HTD2: variants seen among roughly 807,000 people sequenced by gnomAD.
The protein encoded by HTD2 is hydroxyacyl-thioester dehydratase type 2.
HTD2 carries 1 observed loss-of-function variant against 3.1 expected under a neutral mutation model. The ratio of observed to expected loss-of-function variants is 0.32; its 90% confidence interval spans 0.11 to 1.52. HTD2 has a LOEUF of 1.52. Among genes scored for constraint, HTD2 ranks in the 40% most tolerant of loss-of-function variants. The probability of loss-of-function intolerance (pLI) is 0.39; values close to 1 mark genes in which losing one functional copy is unlikely to be tolerated. For missense variants in HTD2, 150 were observed against 79.6 expected (o/e 1.88, Z -3.36); for synonymous variants, 50 against 28.9 (o/e 1.73, Z -2.34).
At chr3:58,315,556 C>T (rs1228925395) in intron 2 of HTD2, 4 of 152,182 alleles carry the variant, frequency 2.6e-5, no homozygotes, top group Admixed American at 1.3e-4. Flanking sequence ...ATCTGAATAA[C>T]CTCTGGTTTG....
intron 2 of HTD2, among the ~76,000 whole-genome samples, chr3:58,313,002 G>C (rs560063586): frequency 5.8e-5 from 8 of 137,558 alleles, no homozygotes; most frequent in African/African-American, 2.2e-4. Context: ...GGTAGCTCAC[G>C]CCTGTAATCC....
intron 1 of HTD2, among the ~76,000 whole-genome samples, chr3:58,309,443 C>T (rs2097479674): frequency 1.3e-5 from 2 of 152,144 alleles, no homozygotes; most frequent in South Asian, 2.1e-4. Context: ...GCTGGGTGCT[C>T]ATAAGGAAAA....
intron 1 of HTD2, 154 bp from the exon 2 acceptor site, chr3:58,310,353 T>C (rs1366764141): frequency 6.2e-7 from 1 of 1,614,208 alleles, no homozygotes; most frequent in Non-Finnish European, 8.5e-7. Context: ...CTGCCACATA[T>C]GAAAGAGTAG....
chr3:58,317,743 C>A lies in HTD2; in HGVS notation c.130C>A (p.Leu44Ile). Residue 44 changes from leucine to isoleucine, a missense_variant, in exon 5 of 5, where the codon CTT becomes ATT. Physicochemically the swap from Leu to Ile is conservative, Grantham distance 5. Transcript: ENST00000461393. Reference sequence around the variant, plus strand: ...CATCAAAGTTGGAGACCGCGCTGAACTTAGGAGGGCCTTCACACAGACTGA... The same window carrying A: ...CATCAAAGTTGGAGACCGCGCTGAAATTAGGAGGGCCTTCACACAGACTGA... ...MHIKVGDRAE[L>I]RRAFTQTDVA... 2 of 703,396 alleles carry A rather than the reference C, an allele frequency of 2.8e-6. No homozygotes were observed. The highest frequency in any genetic ancestry group is 5.2e-6 in the Non-Finnish European group (2 of 385,000). 43.6% of individuals were successfully genotyped at this position (703,396 alleles called of 1,614,324 possible).
Position 58,318,303 on chromosome 3 carries a change from A to G in HTD2, c.*183A>G, listed in dbSNP as rs1009840722. ...CAGTTTGGCCTTATGCTTCATGCAG[A>G]CTTGAGTGTATGCAGGATTTCATTA... is the stretch of plus-strand genomic sequence containing the variant. On this transcript the variant is annotated 3_prime_UTR_variant, in exon 5 of 5. Transcript: ENST00000461393. 22 of 508,584 alleles carry G rather than the reference A, an allele frequency of 4.3e-5. No homozygotes were observed. The highest frequency in any genetic ancestry group is 5.5e-5 in the Non-Finnish European group (16 of 291,654). The allele number at this position is 508,584 out of a possible 1,614,324, so 31.5% of individuals were successfully genotyped here.
At chr3:58,314,707 A>G (rs772917817) in intron 2 of HTD2, among the ~76,000 whole-genome samples, 7 of 72,452 alleles carry the variant, frequency 9.7e-5, no homozygotes, top group East Asian at 9.8e-4. Context: ...TTTTGTTGAG[A>G]TGGAGTCTCG....
Position 58,319,118 on chromosome 3 carries a change from T to C in HTD2, c.*998T>C, listed in dbSNP as rs1027300437. On this transcript the variant is annotated 3_prime_UTR_variant, in exon 5 of 5. Transcript: ENST00000461393. ...CTGTATTTTAACTGTGTAACAATTA[T>C]TGAAGGCGAAAATAGAAGTTGGGTC... is the stretch of plus-strand genomic sequence containing the variant. 1.3e-5 allele frequency: 2 copies of C among 152,246 alleles called. No homozygotes were observed. The highest frequency in any genetic ancestry group is 2.4e-5 in the African/African-American group (1 of 41,470). The allele number at this position is 152,246 out of a possible 1,614,324, so 9.4% of individuals were successfully genotyped here.
intron 1 of HTD2, among the ~76,000 whole-genome samples, chr3:58,307,211 G>T (rs953838485): frequency 6.6e-6 from 1 of 152,156 alleles, no homozygotes; most frequent in African/African-American, 2.4e-5. Flanking sequence ...GAGCAGTCCT[G>T]CAGGTGAGGC....
Position 58,319,604 on chromosome 3 carries a change from C to T in HTD2, c.*1484C>T, listed in dbSNP as rs2097492285. 1 of 150,440 alleles carries T rather than the reference C, an allele frequency of 6.6e-6. No individual in the cohort carries two copies. The highest frequency in any genetic ancestry group is 6.7e-5 in the Admixed American group (1 of 14,986). The allele number at this position is 150,440 out of a possible 1,614,324, so 9.3% of individuals were successfully genotyped here. A position where few individuals can be genotyped will look rare whatever the true frequency, so the allele number is the denominator to read the frequency against. On this transcript the variant is annotated 3_prime_UTR_variant, in exon 5 of 5. Coordinates refer to ENST00000461393, the MANE Select transcript of HTD2 (RefSeq NM_001348712.2). ...TCCTTGAAAATTTGGATCTACCTCC[C>T]ATTATTATGAGTAATACATGCTTAT...
intron 2 of HTD2, 57 bp from the exon 3 acceptor site, chr3:58,316,458 C>T: frequency 1.4e-6 from 2 of 1,474,030 alleles, no homozygotes; most frequent in South Asian, 2.3e-5. Context: ...CAAAAGTTGA[C>T]AAGCATTCAA....
chr3:58,308,463 TG>T (rs1385613294), intron 1 of HTD2, among the ~76,000 whole-genome samples: 139 of 129,568 alleles, frequency 1.1e-3, no homozygotes, highest in African/African-American at 3.6e-3. Flanking sequence ...TAAGTTTTTT[TG>T]TTTTTTTTTT....
At chr3:58,312,017 C>T (rs544601573) in intron 2 of HTD2, among the ~76,000 whole-genome samples, 4 of 152,048 alleles carry the variant, frequency 2.6e-5, no homozygotes, top group East Asian at 1.9e-4. Context: ...GGACCACAGG[C>T]GTGTGCCACC....
chr3:58,315,881 G>C (rs1024463446), intron 2 of HTD2: 1 of 152,242 alleles, frequency 6.6e-6, no homozygotes, highest in African/African-American at 2.4e-5. Context: ...TCTCCGTGTT[G>C]ATCAGGCTGG....
At position 58,317,556 on chromosome 3, in the gene HTD2, G is replaced by C; in HGVS notation, c.-58G>C. ...CTCTCATATTTATTTTTTGGTGCCT[G>C]CATGTTTGAAGACTGAAGCAGGCTA... On this transcript the variant is annotated 5_prime_UTR_variant, in exon 5 of 5. Transcript: ENST00000461393. 8.5e-7 allele frequency: 1 copy of C among 1,171,890 alleles called. No homozygotes were observed. Among genetic ancestry groups the C allele is most frequent in the South Asian group, 1.3e-5 (1 of 79,982 alleles). The allele number at this position is 1,171,890 out of a possible 1,614,324, so 72.6% of individuals were successfully genotyped here.
chr3:58,311,287 T>C (rs1001561457), intron 2 of HTD2, among the ~76,000 whole-genome samples: 6 of 152,240 alleles, frequency 3.9e-5, no homozygotes, highest in Admixed American at 3.9e-4. Flanking sequence ...CCCTGGTAGC[T>C]GAGATTACAG....
intron 2 of HTD2, among the ~76,000 whole-genome samples, chr3:58,313,045 C>T (rs1283028396): frequency 6.6e-6 from 1 of 151,148 alleles, no homozygotes; most frequent in Non-Finnish European, 1.5e-5. Flanking sequence ...AGGCAGATCC[C>T]AAGGTCAGCC....
Position 58,310,598 on chromosome 3 carries a change from A to T in HTD2, c.-331+7A>T. On this transcript the variant is annotated splice_region_variant and intron_variant, in intron 2 of 4. Coordinates refer to ENST00000461393, the MANE Select transcript of HTD2 (RefSeq NM_001348712.2). ...GAAGGACCTGTTTGGGGAGGTATGG[A>T]ATCACTTGGTAGATTGAACATTCCA... 2 of 1,607,668 alleles carry T rather than the reference A, an allele frequency of 1.2e-6. No homozygotes were observed. The highest frequency in any genetic ancestry group is 1.7e-4 in the Middle Eastern group (1 of 6,008).
intron 2 of HTD2, among the ~76,000 whole-genome samples, chr3:58,310,925 T>G (rs2097481505): frequency 2.1e-5 from 2 of 95,538 alleles, no homozygotes; most frequent in African/African-American, 4.4e-5. Context: ...CGAGACTCTG[T>G]CACAAAAAAA....
chr3:58,310,977 A>T (rs373457303), intron 2 of HTD2, among the ~76,000 whole-genome samples: 3 of 139,984 alleles, frequency 2.1e-5, no homozygotes, highest in Non-Finnish European at 3.2e-5. Flanking sequence ...AAAAAAAAAA[A>T]AAAATAAATT....
Sources: gnomAD v4.1 joint callset for allele counts (sites outside exome capture counted in the v4.1 genomes callset) on GRCh38, gnomAD v4.1.1 for gene constraint, MANE v1.5 for transcripts, NCBI Gene and HGNC (gene_info 2026-07-23, HGNC 2026-07-21) for gene names.